Variants in IMMP2L observed in about 807,000 individuals in gnomAD.
IMMP2L encodes inner mitochondrial membrane peptidase subunit 2, also known as mitochondrial inner membrane protease subunit 2.
In IMMP2L, 18 loss-of-function variants were observed where a neutral mutation model predicts 19.3. The ratio of observed to expected loss-of-function variants is 0.93; its 90% confidence interval spans 0.64 to 1.38. The LOEUF (loss-of-function observed/expected upper bound fraction) is 1.38, where lower values mean the gene tolerates loss of function less well. Ranked by LOEUF, IMMP2L falls within the 40% of genes most tolerant of loss-of-function variation. IMMP2L has a pLI of 0.00. For missense variants in IMMP2L, 233 were observed against 218.2 expected, an observed-to-expected ratio of 1.07 and a Z score of -0.43; for synonymous variants, 76 against 73.0, an observed-to-expected ratio of 1.04 and a Z score of -0.21.
chr7:111,040,031 G>C (rs1791738668), intron 3 of IMMP2L, among the ~76,000 whole-genome samples: 1 of 152,182 alleles, frequency 6.6e-6, no homozygotes, highest in African/African-American at 2.4e-5. Context: ...TGGGCGTGGT[G>C]GCACATGCCT....
chr7:111,353,579 A>C (rs1205562009), intron 3 of IMMP2L, among the ~76,000 whole-genome samples: 2 of 152,152 alleles, frequency 1.3e-5, no homozygotes, highest in Non-Finnish European at 2.9e-5. Context: ...TCAGGAGCCT[A>C]CTTAGAACTC....
chr7:111,014,070 T>C (rs1288804394), intron 3 of IMMP2L, among the ~76,000 whole-genome samples: 1 of 152,046 alleles, frequency 6.6e-6, no homozygotes, highest in African/African-American at 2.4e-5. Context: ...TAATCAAATA[T>C]AAGTACAAAC....
At chr7:111,198,599 CCT>C (rs1809752531) in intron 3 of IMMP2L, among the ~76,000 whole-genome samples, 1 of 152,120 alleles carries the variant, frequency 6.6e-6, no homozygotes, top group Non-Finnish European at 1.5e-5. Context: ...CTAAACACGC[CCT>C]GATAATTTCT....
intron 5 of IMMP2L, among the ~76,000 whole-genome samples, chr7:110,793,896 T>C (rs1181058746): frequency 1.3e-5 from 2 of 152,020 alleles, no homozygotes; most frequent in Non-Finnish European, 2.9e-5. Context: ...AGATGGCAAA[T>C]AAGCACATGA....
intron 5 of IMMP2L, among the ~76,000 whole-genome samples, chr7:110,808,311 G>C (rs936798701): frequency 3.9e-5 from 6 of 152,030 alleles, no homozygotes. Flanking sequence ...GTATAAAGCA[G>C]AGCAGCCACC....
At chr7:111,124,495 G>A (rs753611988) in intron 3 of IMMP2L, 4 of 1,613,908 alleles carry the variant, frequency 2.5e-6, no homozygotes, top group Middle Eastern at 3.3e-4. Flanking sequence ...ACCATCTGAT[G>A]TCAAGGTATA....
At chr7:111,529,409 G>A (rs1847186718) in intron 1 of IMMP2L, among the ~76,000 whole-genome samples, 1 of 152,106 alleles carries the variant, frequency 6.6e-6, no homozygotes, top group African/African-American at 2.4e-5. Flanking sequence ...ATTTTTTCAG[G>A]ACTATCTTGC....
At chr7:110,720,654 T>A (rs542307862) in intron 5 of IMMP2L, among the ~76,000 whole-genome samples, 2 of 152,320 alleles carry the variant, frequency 1.3e-5, no homozygotes, top group South Asian at 4.1e-4. Context: ...GGGAATATGA[T>A]ACTGGCTGGG....
chr7:110,868,202 G>A (rs536422565), intron 5 of IMMP2L, among the ~76,000 whole-genome samples: 2 of 148,302 alleles, frequency 1.3e-5, no homozygotes, highest in African/African-American at 4.9e-5. Flanking sequence ...AGATGAGCAA[G>A]ACTAACTAAA....
At chr7:110,843,448 T>C (rs898450577) in intron 5 of IMMP2L, among the ~76,000 whole-genome samples, 16 of 151,918 alleles carry the variant, frequency 1.1e-4, no homozygotes, top group Non-Finnish European at 2.2e-4. Context: ...ACATGGGGCA[T>C]TGGAGTTAAA....
At chr7:111,199,007 A>G (rs748055453) in intron 3 of IMMP2L, among the ~76,000 whole-genome samples, 7 of 152,180 alleles carry the variant, frequency 4.6e-5, no homozygotes, top group Non-Finnish European at 7.4e-5. Flanking sequence ...TATGGACTAA[A>G]TTCCACTGAA....
chr7:110,972,247 T>C (rs1404878394), intron 3 of IMMP2L, among the ~76,000 whole-genome samples: 3 of 152,086 alleles, frequency 2.0e-5, no homozygotes, highest in Non-Finnish European at 4.4e-5. Context: ...TTACCATTTA[T>C]TTGCTCAGCT....
chr7:111,209,102 G>T (rs1457981389), intron 3 of IMMP2L, among the ~76,000 whole-genome samples: 2 of 152,060 alleles, frequency 1.3e-5, no homozygotes, highest in Admixed American at 1.3e-4. Context: ...CAGAAAGTAA[G>T]AACTCACAGC....
chr7:111,204,693 A>G (rs1810512974), intron 3 of IMMP2L, among the ~76,000 whole-genome samples: 1 of 152,212 alleles, frequency 6.6e-6, no homozygotes, highest in African/African-American at 2.4e-5. Context: ...ACTTTCATAT[A>G]AGAAATGATT....
At chr7:110,911,339 CA>C (rs1211543847) in intron 4 of IMMP2L, among the ~76,000 whole-genome samples, 3 of 152,070 alleles carry the variant, frequency 2.0e-5, no homozygotes, top group Admixed American at 6.6e-5. Context: ...AAATGTAAAT[CA>C]AAAGGCATTA....
intron 3 of IMMP2L, among the ~76,000 whole-genome samples, chr7:111,415,226 C>T (rs1834852176): frequency 6.6e-6 from 1 of 151,676 alleles, no homozygotes; most frequent in Non-Finnish European, 1.5e-5. Context: ...AGACCGAGAG[C>T]AGTCTCCAGA....
intron 3 of IMMP2L, among the ~76,000 whole-genome samples, chr7:111,055,269 C>T (rs189127487): frequency 3.3e-5 from 5 of 152,220 alleles, no homozygotes; most frequent in African/African-American, 1.2e-4. Flanking sequence ...AAACTCTTGA[C>T]TTTATGGAAT....
At chr7:111,020,538 G>T (rs1208300235) in intron 3 of IMMP2L, among the ~76,000 whole-genome samples, 1 of 152,332 alleles carries the variant, frequency 6.6e-6, no homozygotes, top group Non-Finnish European at 1.5e-5. Context: ...GAGACAGGTG[G>T]ATTGCTTGAG....
chr7:111,279,517 A>G (rs1819467549), intron 3 of IMMP2L, among the ~76,000 whole-genome samples: 1 of 152,132 alleles, frequency 6.6e-6, no homozygotes, highest in Non-Finnish European at 1.5e-5. Flanking sequence ...CTACTAGCCA[A>G]AGGATGCCAT....
Sources: allele counts gnomAD v4.1 joint callset (sites outside exome capture counted in the v4.1 genomes callset), GRCh38; gene constraint gnomAD v4.1.1; transcripts MANE v1.5; gene names NCBI Gene and HGNC (gene_info 2026-07-23, HGNC 2026-07-21).